Variants in PSAP observed in about 807,000 individuals in gnomAD.
PSAP encodes prosaposin, also known as precursor of saposins.
PSAP carries 25 observed loss-of-function variants against 66.0 expected under a neutral mutation model. The ratio of observed to expected loss-of-function variants is 0.38; its 90% CI spans 0.28 to 0.53. The LOEUF (loss-of-function observed/expected upper bound fraction) is 0.53, where lower values mean the gene tolerates loss of function less well. PSAP is among the 20% of genes least tolerant of loss of function. The probability of loss-of-function intolerance (pLI) is 0.83; values close to 1 mark genes in which losing one functional copy is unlikely to be tolerated. For synonymous variants in PSAP, 273 were observed against 258.9 expected, an observed-to-expected ratio of 1.05 and a Z score of -0.52; for missense variants, 649 against 668.8, an observed-to-expected ratio of 0.97 and a Z score of 0.33.
rs778284010 is a variant in PSAP, at chr10:71,834,536, C to T, written c.41-31G>A. On this transcript the variant is annotated intron_variant, in intron 1 of 13. Coordinates refer to ENST00000394936, the MANE Select transcript of PSAP (RefSeq NM_002778.4). ...ATGAAAACCAACGTGAGGAGGTGGCCCATTTTGTAGCAAACCAGGTCGACC... is the reference window on the plus strand; with the variant it reads ...ATGAAAACCAACGTGAGGAGGTGGCTCATTTTGTAGCAAACCAGGTCGACC... 7 of 1,611,482 alleles carry T rather than the reference C, an allele frequency of 4.3e-6. No individual in the cohort carries two copies. The South Asian group carries it at 7.7e-5, about 18-fold the overall frequency.
Position 71,831,169 on chromosome 10 carries a change from T to C in PSAP, c.332A>G (p.Asp111Gly), listed in dbSNP as rs1342627732. The change falls in exon 4 of 14, where the codon GAC becomes GGC. Residue 111 changes from aspartate (D) to glycine (G), a missense_variant. Coordinates refer to ENST00000394936, the MANE Select transcript of PSAP (RefSeq NM_002778.4). ...GTCCAGGATGACAGGGAGGTAGGAG[T>C]CCACTATCTCCTTGCATGAAGCAGA... ...NMSASCKEIV[D>G]SYLPVILDII... is the part of the protein sequence containing the mutation. 2.5e-6 allele frequency: 4 copies of C among 1,613,816 alleles called. No homozygotes were observed. The highest frequency in any genetic ancestry group is 2.2e-5 in the East Asian group (1 of 44,890).
chr10:71,849,279 G>A (rs1014221965), intron 1 of PSAP, among the ~76,000 whole-genome samples: 5 of 152,196 alleles, frequency 3.3e-5, no homozygotes, highest in African/African-American at 1.2e-4. Context: ...TAAGAGCTTC[G>A]TATAGGGTCA....
chr10:71,825,505 CTTAG>C (rs1293801097), intron 7 of PSAP, among the ~76,000 whole-genome samples: 5 of 152,230 alleles, frequency 3.3e-5, no homozygotes, highest in Non-Finnish European at 7.3e-5. Flanking sequence ...TCAGGCCTGG[CTTAG>C]TTAGAGAGCA....
Position 71,828,984 on chromosome 10 carries a change from T to C in PSAP, c.469A>G (p.Asn157Asp). Residue 157 changes from asparagine to aspartate, a missense_variant, in exon 5 of 14, where the codon AAT (asparagine) becomes GAT (aspartate). By Grantham distance (23) the Asn-to-Asp change is conservative. Coordinates refer to ENST00000394936, the MANE Select transcript of PSAP (RefSeq NM_002778.4). ...ELNHQKQLES[N>D]KIPELDMTEV... ...GTCATGTCCAGCTCTGGGATCTTAT[T>C]GGACTCCAGCTGCTTCTGGTGATTC... The C allele has an allele frequency of 6.2e-7, 1 of 1,614,176 alleles. No individual in the cohort carries two copies. The highest frequency in any genetic ancestry group is 8.5e-7 in the Non-Finnish European group (1 of 1,180,026).
chr10:71,818,587 G>T, intron 13 of PSAP, 30 bp downstream of exon 13: 1 of 1,576,046 alleles, frequency 6.3e-7, no homozygotes, highest in South Asian at 1.1e-5. Flanking sequence ...GGCAAGACAG[G>T]CTGGTGACAC....
chr10:71,846,870 G>C (rs1170955415), intron 1 of PSAP, among the ~76,000 whole-genome samples: 2 of 151,830 alleles, frequency 1.3e-5, no homozygotes, highest in African/African-American at 4.8e-5. Flanking sequence ...AAGGCTTACA[G>C]CCTGGTAGCC....
At chr10:71,831,997 CT>C in intron 2 of PSAP, 77 bp from the exon 3 acceptor site, 2 of 1,365,728 alleles carry the variant, frequency 1.5e-6, no homozygotes, top group East Asian at 4.6e-5. Context: ...TCCCCATGGC[CT>C]TTTCGCTATT....
At chr10:71,838,119 C>G (rs1293945279) in intron 1 of PSAP, among the ~76,000 whole-genome samples, 1 of 152,190 alleles carries the variant, frequency 6.6e-6, no homozygotes, top group Non-Finnish European at 1.5e-5. Context: ...TGGGAGATAC[C>G]AATGTCAGGC....
At chr10:71,848,911 T>A (rs1050671355) in intron 1 of PSAP, among the ~76,000 whole-genome samples, 1 of 152,204 alleles carries the variant, frequency 6.6e-6, no homozygotes, top group Non-Finnish European at 1.5e-5. Context: ...ACCTCCCATT[T>A]ACCCGAGTGT....
intron 7 of PSAP, 60 bp from the exon 8 acceptor site, chr10:71,822,067 C>A: frequency 6.2e-7 from 1 of 1,611,762 alleles, no homozygotes; most frequent in Non-Finnish European, 8.5e-7. Flanking sequence ...TCCTCAGTCC[C>A]AATCCAGCCA....
At chr10:71,826,638 G>A (rs1842403148) in intron 6 of PSAP, among the ~76,000 whole-genome samples, 1 of 152,058 alleles carries the variant, frequency 6.6e-6, no homozygotes, top group African/African-American at 2.4e-5. Flanking sequence ...AGCTACTTGG[G>A]AGGCTGAGAA....
chr10:71,818,915 G>A lies in PSAP; in HGVS notation c.1431+116C>T, dbSNP rs749823. On this transcript the variant is annotated intron_variant, in intron 12 of 13. Coordinates refer to ENST00000394936, the MANE Select transcript of PSAP (RefSeq NM_002778.4). Reference sequence around the variant, plus strand: ...GGCTCCCTACCTTCTTGGCTCTCCCGCAGCAGAACCCAGAGACTCCACCCC... The same window carrying A: ...GGCTCCCTACCTTCTTGGCTCTCCCACAGCAGAACCCAGAGACTCCACCCC... 216,086 of 1,136,954 alleles carry A rather than the reference G, an allele frequency of 0.19. 21,194 individuals carry two copies. The highest frequency in any genetic ancestry group is 0.28 in the East Asian group (10,883 of 39,440). 70.4% of individuals were successfully genotyped at this position (1,136,954 alleles called of 1,614,324 possible). A position where few individuals can be genotyped will look rare whatever the true frequency, so the allele number is the denominator to read the frequency against.
At chr10:71,841,373 T>C (rs969388358) in intron 1 of PSAP, among the ~76,000 whole-genome samples, 1 of 152,198 alleles carries the variant, frequency 6.6e-6, no homozygotes, top group Admixed American at 6.5e-5. Flanking sequence ...ACTTAAAAGT[T>C]CCAGATATAT....
At chr10:71,827,026 C>T (rs1842408627) in intron 6 of PSAP, among the ~76,000 whole-genome samples, 1 of 152,158 alleles carries the variant, frequency 6.6e-6, no homozygotes, top group African/African-American at 2.4e-5. Context: ...TCCAGGTGAA[C>T]CATGGTCAGC....
Position 71,819,587 on chromosome 10 carries a change from C to T in PSAP, c.1228G>A (p.Glu410Lys), listed in dbSNP as rs755171005. ...TAACCCACCAGCTTCTTGCACACTTCGCAGAAGCCACCGTCCTTTGGCTGA... is the reference window on the plus strand; with the variant it reads ...TAACCCACCAGCTTCTTGCACACTTTGCAGAAGCCACCGTCCTTTGGCTGA... The part of the protein sequence containing the change: ...VTQPKDGGFC[E>K]VCKKLVGYLD... The change falls in exon 11 of 14, where the codon GAA (glutamate) becomes AAA (lysine). Residue 410 changes from glutamate (E) to lysine (K), a missense_variant. Physicochemically the swap from Glu to Lys is moderately conservative, Grantham distance 56. Coordinates refer to ENST00000394936, the MANE Select transcript of PSAP (RefSeq NM_002778.4). 4 of 1,614,238 alleles carry T rather than the reference C, an allele frequency of 2.5e-6. No individual in the cohort carries two copies. Among genetic ancestry groups the T allele is most frequent in the South Asian group, 2.2e-5 (2 of 91,088 alleles).
chr10:71,846,734 A>C (rs1398630475), intron 1 of PSAP, among the ~76,000 whole-genome samples: 4 of 4,746 alleles, frequency 8.4e-4, no homozygotes, highest in African/African-American at 3.4e-3. Flanking sequence ...CCTGTCTCAA[A>C]AAAAAAAAAA....
chr10:71,816,626 T>C lies in PSAP; in HGVS notation c.*815A>G. On this transcript the variant is annotated 3_prime_UTR_variant, in exon 14 of 14. Coordinates refer to ENST00000394936, the MANE Select transcript of PSAP (RefSeq NM_002778.4). ...GAGGGGTGCAGGCTGAAGCAGCGCC[T>C]CAACAGCCAGGGACATGTAGGCAAC... The C allele has an allele frequency of 2.7e-6, 1 of 374,868 alleles. No homozygotes were observed. Among genetic ancestry groups the C allele is most frequent in the Non-Finnish European group, 5.5e-6 (1 of 181,208 alleles). 23.2% of individuals were successfully genotyped at this position (374,868 alleles called of 1,614,324 possible). A position where few individuals can be genotyped will look rare whatever the true frequency, so the allele number is the denominator to read the frequency against.
At chr10:71,843,362 G>C (rs1842763035) in intron 1 of PSAP, among the ~76,000 whole-genome samples, 1 of 152,178 alleles carries the variant, frequency 6.6e-6, no homozygotes. Flanking sequence ...GGACACACTT[G>C]AGTTTTATTC....
chr10:71,838,014 A>C (rs1842659886), intron 1 of PSAP, among the ~76,000 whole-genome samples: 2 of 152,212 alleles, frequency 1.3e-5, no homozygotes. Context: ...GCGATACTGC[A>C]GGAAGCTTCA....
Sources: allele counts gnomAD v4.1 joint callset (sites outside exome capture counted in the v4.1 genomes callset), GRCh38; gene constraint gnomAD v4.1.1; transcripts MANE v1.5; gene names NCBI Gene and HGNC (gene_info 2026-07-23, HGNC 2026-07-21).